The following COPB1 variants were observed in gnomAD, a reference collection of about 807,000 sequenced individuals.
The protein encoded by COPB1 is coatomer subunit beta.
In COPB1, 21 loss-of-function variants were observed where a neutral mutation model predicts 108.7. The ratio of observed to expected loss-of-function variants is 0.19; its 90% confidence interval spans 0.14 to 0.28. The LOEUF is 0.28. Among genes scored for constraint, COPB1 ranks in the 10% least tolerant of loss-of-function variants. The pLI, the probability that COPB1 is intolerant of heterozygous loss-of-function variation, is 1.00. For missense variants in COPB1, 919 were observed against 1,141.3 expected, an observed-to-expected ratio of 0.81 and a Z score of 2.81; for synonymous variants, 378 against 386.8, an observed-to-expected ratio of 0.98 and a Z score of 0.27.
chr11:14,490,292 C>G (rs1006853580), intron 5 of COPB1, among the ~76,000 whole-genome samples: 1 of 152,114 alleles, frequency 6.6e-6, no homozygotes, highest in African/African-American at 2.4e-5. Flanking sequence ...TAGGAAAGAA[C>G]AGTCATAATA....
At chr11:14,489,026 T>C (rs553644476) in intron 5 of COPB1, among the ~76,000 whole-genome samples, 4 of 152,216 alleles carry the variant, frequency 2.6e-5, no homozygotes, top group Non-Finnish European at 1.5e-5. Flanking sequence ...TTTATTGGAC[T>C]ATTTCTGATT....
At position 14,479,554 on chromosome 11, in the gene COPB1, G is replaced by A. The variant is rs1260173689; in HGVS notation, c.1358+15C>T. On this transcript the variant is annotated intron_variant, in intron 11 of 21. Coordinates refer to ENST00000439561, the MANE Select transcript of COPB1 (RefSeq NM_001144061.2). ...TGCTTACTTGACCTTACATTTAAATGTATTTTAAACCTACTTGACAGATTT... is the reference window on the plus strand; with the variant it reads ...TGCTTACTTGACCTTACATTTAAATATATTTTAAACCTACTTGACAGATTT... 1 of 1,584,174 alleles carries A rather than the reference G, an allele frequency of 6.3e-7. No homozygotes were observed. The highest frequency in any genetic ancestry group is 1.9e-5 in the Admixed American group (1 of 53,308).
At chr11:14,497,996 C>T (rs1851063616) in intron 2 of COPB1, among the ~76,000 whole-genome samples, 1 of 152,092 alleles carries the variant, frequency 6.6e-6, no homozygotes, top group South Asian at 2.1e-4. Flanking sequence ...AAAATCAAAA[C>T]AAACTCACGG....
At chr11:14,481,908 C>T (rs1053961092) in intron 8 of COPB1, among the ~76,000 whole-genome samples, 2 of 152,126 alleles carry the variant, frequency 1.3e-5, no homozygotes, top group Non-Finnish European at 2.9e-5. Context: ...CCTGTCTCAG[C>T]CTCCTGAGTA....
intron 16 of COPB1, among the ~76,000 whole-genome samples, chr11:14,468,060 TC>T (rs1436588704): frequency 6.6e-6 from 1 of 152,090 alleles, no homozygotes; most frequent in Non-Finnish European, 1.5e-5. Context: ...TAACTATAAT[TC>T]AAAAAAACTA....
At chr11:14,499,020 T>TTA (rs1851090540) in intron 1 of COPB1, 35 bp from the exon 2 acceptor site, 3 of 804,886 alleles carry the variant, frequency 3.7e-6, no homozygotes, top group East Asian at 3.2e-5. Flanking sequence ...CATTACAAAT[T>TTA]AAAAAAAAAA....
At position 14,474,664 on chromosome 11, in the gene COPB1, T is replaced by A. The variant is rs139190019; in HGVS notation, c.1617-49A>T. On this transcript the variant is annotated intron_variant, in intron 13 of 21. Coordinates refer to ENST00000439561, the MANE Select transcript of COPB1 (RefSeq NM_001144061.2). ...AAACCCACCAACTTGCTAAGCAGCA[T>A]GCAGCTTCTGTATAAATGAATGATA... The A allele has an allele frequency of 2.5e-3, 4,073 of 1,605,722 alleles. 126 individuals are homozygous for A. The highest frequency in any genetic ancestry group is 3.3e-4 in the Middle Eastern group (2 of 6,020).
At chr11:14,479,871 A>G (rs1341889012) in intron 10 of COPB1, among the ~76,000 whole-genome samples, 157 bp from the exon 11 acceptor site, 2 of 152,190 alleles carry the variant, frequency 1.3e-5, no homozygotes, top group African/African-American at 4.8e-5. Flanking sequence ...TGGCACAATC[A>G]TAGCTCACTG....
Position 14,480,764 on chromosome 11 carries a change from G to C in COPB1, c.1207C>G (p.Pro403Ala). ...RFPDMAANVI[P>A]VLMEFLSDNN... ...AAGTCATCAGAATTACATACCACAG[G>C]AATAACATTTGCAGCCATATCTGGA... The change falls in exon 10 of 22, where the codon CCT becomes GCT. Residue 403 changes from proline (P) to alanine (A), a missense_variant. Physicochemically the swap from Pro to Ala is conservative, Grantham distance 27. Coordinates refer to ENST00000439561, the MANE Select transcript of COPB1 (RefSeq NM_001144061.2). 6.2e-7 allele frequency: 1 copy of C among 1,612,600 alleles called. No homozygotes were observed. Among genetic ancestry groups the C allele is most frequent in the Non-Finnish European group, 8.5e-7 (1 of 1,179,564 alleles).
chr11:14,464,376 A>G (rs753762769), intron 18 of COPB1, among the ~76,000 whole-genome samples: 1 of 152,124 alleles, frequency 6.6e-6, no homozygotes, highest in Non-Finnish European at 1.5e-5. Flanking sequence ...TTTATTTTAT[A>G]TATCTGTTTT....
chr11:14,478,377 C>G (rs1850575259), intron 11 of COPB1, among the ~76,000 whole-genome samples: 1 of 150,178 alleles, frequency 6.7e-6, no homozygotes. Flanking sequence ...GAGTTCGAGA[C>G]CAGCCTGGGC....
At chr11:14,461,162 T>C (rs1850139997) in intron 19 of COPB1, 24 bp downstream of exon 19, 7 of 1,613,860 alleles carry the variant, frequency 4.3e-6, no homozygotes, top group African/African-American at 1.3e-5. Context: ...TAAAGGAATA[T>C]GAGAAAATCT....
rs765684831 is a variant in COPB1 at position 14,479,724 on chromosome 11, A to G, written c.1213-10T>C. The G allele has an allele frequency of 1.2e-4, 184 of 1,517,072 alleles. No individual in the cohort carries two copies. The highest frequency in any genetic ancestry group is 1.6e-4 in the Non-Finnish European group (176 of 1,127,932). The allele number at this position is 1,517,072 out of a possible 1,614,324, so 94.0% of individuals were successfully genotyped here. On this transcript the variant is annotated splice_polypyrimidine_tract_variant and intron_variant, in intron 10 of 21. Coordinates refer to ENST00000439561, the MANE Select transcript of COPB1 (RefSeq NM_001144061.2). The stretch of plus-strand genomic sequence containing the variant: ...TGAGAAATTCCATTAACTAAAAGAA[A>G]AAAAAAAAAAAGAAAATGGAACTAA...
intron 18 of COPB1, among the ~76,000 whole-genome samples, chr11:14,464,054 A>G (rs2597200): frequency 0.67 from 100,984 of 151,480 alleles, 33,832 homozygotes; most frequent in African/African-American, 0.71. Flanking sequence ...GATAAAGTCT[A>G]ACATCCTTAG....
At chr11:14,480,702 A>G in intron 10 of COPB1, 57 bp downstream of exon 10, 4 of 1,534,226 alleles carry the variant, frequency 2.6e-6, no homozygotes, top group Non-Finnish European at 3.5e-6. Flanking sequence ...AAATAACTAT[A>G]TTTTTTAAAA....
chr11:14,487,754 A>C (rs1461813381), intron 6 of COPB1, among the ~76,000 whole-genome samples: 2 of 152,184 alleles, frequency 1.3e-5, no homozygotes, highest in African/African-American at 4.8e-5. Context: ...TCCCATTCCA[A>C]ACTACTGGTA....
intron 7 of COPB1, 108 bp from the exon 8 acceptor site, chr11:14,483,259 CTCCCATGAAGCCAAA>C: frequency 4.9e-6 from 3 of 610,592 alleles, no homozygotes; most frequent in Non-Finnish European, 7.8e-6. Flanking sequence ...CACACACACA[CTCCCATGAAGCCAAA>C]ATACACTCAT....
At position 14,480,804 on chromosome 11, in the gene COPB1, G is replaced by C; in HGVS notation, c.1167C>G (p.Ser389=). 1.9e-6 allele frequency: 3 copies of C among 1,614,068 alleles called. No individual in the cohort carries two copies. Among genetic ancestry groups the C allele is most frequent in the Non-Finnish European group, 2.5e-6 (3 of 1,179,954 alleles). Residue 389 remains serine (S), a synonymous_variant, in exon 10 of 22, where the codon TCC becomes TCG. Transcript: ENST00000439561. The part of the protein sequence containing the change: ...YRQLLVRTLH[S]CSVRFPDMAA... ...CCATATCTGGAAATCGGACAGAACA[G>C]GAATGCAATGTTCGCACTAGGAGTT...
chr11:14,485,926 T>G lies in COPB1; in HGVS notation c.837+441A>C, dbSNP rs74405283. ...ATCAAGTAAGCTAGAAAAAAGAAAA[T>G]GTTAAGAAAAGCATAAGGAAAATAT... On this transcript the variant is annotated intron_variant, in intron 7 of 21. Coordinates refer to ENST00000439561, the MANE Select transcript of COPB1 (RefSeq NM_001144061.2). Among the ~76,000 whole-genome samples, 14 of 152,016 alleles carry G rather than the reference T, an allele frequency of 9.2e-5. No individual in the cohort carries two copies. The East Asian group carries it at 2.7e-3, about 29-fold the overall frequency.
Sources: gnomAD v4.1 joint callset for allele counts (sites outside exome capture counted in the v4.1 genomes callset) on GRCh38, gnomAD v4.1.1 for gene constraint, MANE v1.5 for transcripts, NCBI Gene and HGNC (gene_info 2026-07-23, HGNC 2026-07-21) for gene names.